ERN1: variants seen among roughly 807,000 people sequenced by gnomAD.
ERN1 encodes the protein endoplasmic reticulum to nucleus signaling 1, also known as serine/threonine-protein kinase/endoribonuclease IRE1.
ERN1 carries 39 observed loss-of-function variants against 113.1 expected under a neutral mutation model. That is an observed-to-expected ratio of 0.34 (90% CI 0.27 to 0.45). The LOEUF (loss-of-function observed/expected upper bound fraction) is 0.45. ERN1 is among the 20% of genes least tolerant of loss of function. The pLI is 1.00. For synonymous variants in ERN1, 507 were observed against 515.9 expected (o/e 0.98, Z 0.23); for missense variants, 976 against 1,274.8 (o/e 0.77, Z 3.57).
intron 3 of ERN1, 94 bp from the exon 4 acceptor site, chr17:64,079,828 G>A (rs1913712114): frequency 1.1e-6 from 1 of 943,108 alleles, no homozygotes; most frequent in South Asian, 1.4e-5. Context: ...GAGGAATAGA[G>A]AGTGGAGGGT....
At chr17:64,079,855 A>G (rs556716015) in intron 3 of ERN1, 121 bp from the exon 4 acceptor site, 6 of 693,020 alleles carry the variant, frequency 8.7e-6, no homozygotes, top group South Asian at 8.6e-5. Context: ...GTGTAGGTGT[A>G]TAAGTGAGTA....
At chr17:64,078,785 G>A (rs1163505460) in intron 4 of ERN1, among the ~76,000 whole-genome samples, 1 of 152,038 alleles carries the variant, frequency 6.6e-6, no homozygotes, top group East Asian at 1.9e-4. Context: ...TGGGTGGATC[G>A]CTTGAGCCCA....
At chr17:64,126,996 TA>T (rs1224023204) in intron 1 of ERN1, among the ~76,000 whole-genome samples, 2 of 152,108 alleles carry the variant, frequency 1.3e-5, no homozygotes, top group Non-Finnish European at 2.9e-5. Flanking sequence ...TAAATAACCA[TA>T]AAATGAGGAC....
Position 64,043,752 on chromosome 17 carries a change from A to G in ERN1, c.*236T>C. The G allele has an allele frequency of 2.3e-6, 1 of 425,540 alleles. No individual in the cohort carries two copies. Among genetic ancestry groups the G allele is most frequent in the Non-Finnish European group, 4.2e-6 (1 of 240,530 alleles). The allele number at this position is 425,540 out of a possible 1,614,324, so 26.4% of individuals were successfully genotyped here. On this transcript the variant is annotated 3_prime_UTR_variant, in exon 22 of 22. Transcript: ENST00000433197. ...TCTGAGGCCCTCCTTTGCAGACATCATGACCGTAAGGCTTTTGGGGCCAGC... is the reference window on the plus strand; with the variant it reads ...TCTGAGGCCCTCCTTTGCAGACATCGTGACCGTAAGGCTTTTGGGGCCAGC...
chr17:64,076,472 T>C (rs1324751667), intron 4 of ERN1, among the ~76,000 whole-genome samples: 2 of 152,256 alleles, frequency 1.3e-5, no homozygotes, highest in African/African-American at 4.8e-5. Context: ...TCTAGTCTTC[T>C]GGAGTCCTGT....
At position 64,122,828 on chromosome 17, in the gene ERN1, A is replaced by C. The variant is rs548968962; in HGVS notation, c.54+7148T>G. On this transcript the variant is annotated intron_variant, in intron 1 of 21. Coordinates refer to ENST00000433197, the MANE Select transcript of ERN1 (RefSeq NM_001433.5). The stretch of plus-strand genomic sequence containing the variant: ...AGGTTCGTTTTTGTTTTAAAGTTGA[A>C]TTATTAAATGGGTTAGATAAGTTGT... 3.9e-5 allele frequency among the ~76,000 whole-genome samples: 6 copies of C among 152,362 alleles called. No individual in the cohort carries two copies. The South Asian group carries it at 1.2e-3, about 32-fold the overall frequency.
intron 1 of ERN1, among the ~76,000 whole-genome samples, chr17:64,120,449 A>G (rs576481166): frequency 6.6e-6 from 1 of 152,006 alleles, no homozygotes; most frequent in Admixed American, 6.5e-5. Flanking sequence ...CAGCCCAGAC[A>G]AACAATTATT....
chr17:64,096,840 G>A (rs914700697), intron 2 of ERN1, among the ~76,000 whole-genome samples: 2 of 152,188 alleles, frequency 1.3e-5, no homozygotes, highest in Non-Finnish European at 1.5e-5. Context: ...AGCATTATGT[G>A]CAGGGAAAAG....
rs196909 is a variant in ERN1, at chr17:64,043,373, A to G, written c.*615T>C. On this transcript the variant is annotated 3_prime_UTR_variant, in exon 22 of 22. Transcript: ENST00000433197. ...CACCTGCCAGCATGCATAGCTGACCAGTCCCTAATGCCACACCTCATGCTC... is the reference window on the plus strand; with the variant it reads ...CACCTGCCAGCATGCATAGCTGACCGGTCCCTAATGCCACACCTCATGCTC... 147,177 of 152,988 alleles carry G rather than the reference A, an allele frequency of 0.96. 71,070 individuals are homozygous for G. Among genetic ancestry groups the G allele is most frequent in the East Asian group, 1 (5,334 of 5,334 alleles). The allele number at this position is 152,988 out of a possible 1,614,324, so 9.5% of individuals were successfully genotyped here. A position where few individuals can be genotyped will look rare whatever the true frequency, so the allele number is the denominator to read the frequency against.
At position 64,116,472 on chromosome 17, in the gene ERN1, C is replaced by A. The variant is rs1009322674; in HGVS notation, c.54+13504G>T. ...CAGCTCATGGCAAGTGGAAAACGAA[C>A]CCTAACAGAATTCTAGAATAAGGTC... On this transcript the variant is annotated intron_variant, in intron 1 of 21. Transcript: ENST00000433197. Among the ~76,000 whole-genome samples, 7 of 152,062 alleles carry A rather than the reference C, an allele frequency of 4.6e-5. No individual in the cohort carries two copies. In the East Asian group the frequency reaches 1.2e-3, roughly 25 times the overall value.
At chr17:64,068,920 TC>T (rs1290150621) in intron 6 of ERN1, among the ~76,000 whole-genome samples, 4 of 152,208 alleles carry the variant, frequency 2.6e-5, no homozygotes, top group Non-Finnish European at 5.9e-5. Flanking sequence ...TTGAATGGTT[TC>T]TCTTAGCTGT....
intron 15 of ERN1, among the ~76,000 whole-genome samples, 162 bp from the exon 16 acceptor site, chr17:64,053,533 T>C (rs533138574): frequency 1.4e-4 from 22 of 152,354 alleles, no homozygotes; most frequent in African/African-American, 4.8e-4. Context: ...CCAAATCTAC[T>C]AATTTACAAT....
chr17:64,114,459 C>T (rs1237359230), intron 1 of ERN1, among the ~76,000 whole-genome samples: 1 of 152,118 alleles, frequency 6.6e-6, no homozygotes. Flanking sequence ...AGAAGAATTT[C>T]CTGGGCAGAG....
chr17:64,101,206 C>T (rs529420782), intron 1 of ERN1, among the ~76,000 whole-genome samples: 132 of 152,216 alleles, frequency 8.7e-4, no homozygotes, highest in Admixed American at 2.6e-3. Flanking sequence ...GTCAGATGTT[C>T]GAGACCAGCC....
intron 1 of ERN1, among the ~76,000 whole-genome samples, chr17:64,121,758 A>C (rs1225883714): frequency 6.6e-6 from 1 of 152,166 alleles, no homozygotes; most frequent in Non-Finnish European, 1.5e-5. Context: ...AAGTGCTGGA[A>C]TTACAGGCGT....
At chr17:64,071,499 C>T (rs1490038431) in intron 6 of ERN1, among the ~76,000 whole-genome samples, 3 of 152,012 alleles carry the variant, frequency 2.0e-5, no homozygotes, top group African/African-American at 4.8e-5. Context: ...TGGCTCACTG[C>T]AACCTCCACC....
At chr17:64,059,938 G>A (rs1913000050) in intron 11 of ERN1, among the ~76,000 whole-genome samples, 1 of 145,294 alleles carries the variant, frequency 6.9e-6, no homozygotes, top group African/African-American at 2.6e-5. Flanking sequence ...CGATCCTCCT[G>A]CCTTGGTCTC....
At chr17:64,072,668 CAGTA>C (rs1268437662) in intron 5 of ERN1, among the ~76,000 whole-genome samples, 5 of 152,366 alleles carry the variant, frequency 3.3e-5, no homozygotes, top group East Asian at 1.9e-4. Flanking sequence ...TGTTCCCAGC[CAGTA>C]AGTAATTCCC....
At chr17:64,048,080 GATT>G (rs1912569472) in intron 18 of ERN1, 95 bp from the exon 19 acceptor site, 2 of 1,114,874 alleles carry the variant, frequency 1.8e-6, no homozygotes, top group Non-Finnish European at 2.5e-6. Flanking sequence ...TCTCATTTAT[GATT>G]CTATTTACAG....
Sources: allele counts gnomAD v4.1 joint callset (sites outside exome capture counted in the v4.1 genomes callset), GRCh38; gene constraint gnomAD v4.1.1; transcripts MANE v1.5; gene names NCBI Gene and HGNC (gene_info 2026-07-23, HGNC 2026-07-21).